PRPF6: variants seen among roughly 807,000 people sequenced by gnomAD.
PRPF6 encodes pre-mRNA-processing factor 6.
Under a neutral mutation model 118.3 loss-of-function variants are expected in PRPF6, and 42 were observed. The observed-to-expected ratio is 0.35, with a 90% CI of 0.28 to 0.46. PRPF6 has a LOEUF of 0.46. Ranked by LOEUF, PRPF6 falls within the 20% of genes least tolerant of loss-of-function variation. PRPF6 has a pLI of 1.00. For missense variants in PRPF6, 662 were observed against 1,255.7 expected (o/e 0.53, Z 7.15); for synonymous variants, 481 against 485.1 (o/e 0.99, Z 0.11).
rs541429002 is a variant in PRPF6, at chr20:64,027,404, C to T, written c.2206-199C>T. 2.0e-5 allele frequency among the ~76,000 whole-genome samples: 3 copies of T among 152,266 alleles called. No homozygotes were observed. Among genetic ancestry groups the T allele is most frequent in the Admixed American group, 6.5e-5 (1 of 15,294 alleles). The stretch of plus-strand genomic sequence containing the variant: ...GGCACACCTGCAGTAAAGGCTGGTA[C>T]GTACAGACCTGTGTGCACAGGTCCA... On this transcript the variant is annotated intron_variant, in intron 16 of 20. Transcript: ENST00000266079. This position sits in a 1 kb window ranked among gnomAD's most constrained non-coding sequence, Gnocchi z 6.5.
intron 8 of PRPF6, among the ~76,000 whole-genome samples, chr20:64,000,338 A>T (rs922330564): frequency 1.3e-5 from 2 of 151,566 alleles, no homozygotes; most frequent in Non-Finnish European, 2.9e-5. Flanking sequence ...AAAATATGAA[A>T]GTTAGCCAGG....
chr20:64,026,901 AAC>A lies in PRPF6; in HGVS notation c.2029-79_2029-78del. The A allele has an allele frequency of 7.1e-7, 1 of 1,412,048 alleles. No individual in the cohort carries two copies. Among genetic ancestry groups the A allele is most frequent in the Non-Finnish European group, 1.0e-6 (1 of 997,986 alleles). 87.5% of individuals were successfully genotyped at this position (1,412,048 alleles called of 1,614,324 possible). A position where few individuals can be genotyped will look rare whatever the true frequency, so the allele number is the denominator to read the frequency against. On this transcript the variant is annotated intron_variant, in intron 15 of 20. Transcript: ENST00000266079. This position sits in a 1 kb window ranked among gnomAD's most constrained non-coding sequence, Gnocchi z 4.4. ...CAAAAGTACACACAGTACTGCAGGT[AAC>A]AGTGTTGAGGATGAGTGTACCATGA...
At chr20:64,025,836 C>G (rs2059287215) in intron 14 of PRPF6, 103 bp from the exon 15 acceptor site, 1 of 1,599,058 alleles carries the variant, frequency 6.3e-7, no homozygotes, top group South Asian at 1.1e-5. Flanking sequence ...TGTAGCAGAG[C>G]AAGGCCTGGC....
At chr20:63,982,832 G>T (rs2059077389) in intron 1 of PRPF6, among the ~76,000 whole-genome samples, 1 of 152,208 alleles carries the variant, frequency 6.6e-6, no homozygotes, top group African/African-American at 2.4e-5. Context: ...AGGGTGGAGA[G>T]AGATTGCCTT....
intron 20 of PRPF6, among the ~76,000 whole-genome samples, 192 bp from the exon 21 acceptor site, chr20:64,032,649 C>G (rs1257033589): frequency 6.6e-6 from 1 of 152,244 alleles, no homozygotes; most frequent in African/African-American, 2.4e-5. Context: ...CCATGCTCCT[C>G]AGGAGGTGGG....
At chr20:63,988,408 A>T (rs1162773689) in intron 3 of PRPF6, among the ~76,000 whole-genome samples, 3 of 150,232 alleles carry the variant, frequency 2.0e-5, no homozygotes, top group African/African-American at 7.4e-5. Context: ...GAGGCAGGAG[A>T]ATCGCTTGAA....
At chr20:64,024,972 G>A (rs73153149) in intron 14 of PRPF6, among the ~76,000 whole-genome samples, 16,928 of 152,126 alleles carry the variant, frequency 0.11, 1,038 homozygotes, top group South Asian at 0.24. Context: ...GGCTGAGGGC[G>A]CCCTTATGTG....
chr20:64,024,793 T>A, intron 14 of PRPF6, 100 bp downstream of exon 14: 1 of 1,504,312 alleles, frequency 6.6e-7, no homozygotes, highest in Non-Finnish European at 9.0e-7. Context: ...ATGTGGCACG[T>A]GCTGTTGTTG....
intron 12 of PRPF6, among the ~76,000 whole-genome samples, chr20:64,017,282 T>TGGCCTCCCAAAGTGCTG (rs2059242804): frequency 9.5e-6 from 1 of 105,044 alleles, no homozygotes; most frequent in African/African-American, 4.3e-5. Context: ...CCGCCATGCC[T>TGGCCTCCCAAAGTGCTG]GGCCTCCCAA....
In PRPF6 at chr20:64,010,366, C is replaced by G. The variant is rs1429637811; in HGVS notation, c.1305+48C>G. 5 of 1,448,868 alleles carry G rather than the reference C, an allele frequency of 3.5e-6. No individual in the cohort carries two copies. In the East Asian group the frequency reaches 1.1e-4, roughly 33 times the overall value. 89.8% of individuals were successfully genotyped at this position (1,448,868 alleles called of 1,614,324 possible). A position where few individuals can be genotyped will look rare whatever the true frequency, so the allele number is the denominator to read the frequency against. ...CACCAGAGCCCAAAGTGGCCAAGGC[C>G]TGAGCCCAGGTTCAGTGTCTGGAAG... On this transcript the variant is annotated intron_variant, in intron 10 of 20. Coordinates refer to ENST00000266079, the MANE Select transcript of PRPF6 (RefSeq NM_012469.4).
intron 12 of PRPF6, among the ~76,000 whole-genome samples, chr20:64,020,545 A>G (rs898514119): frequency 3.9e-5 from 6 of 152,312 alleles, no homozygotes; most frequent in Admixed American, 1.3e-4. Flanking sequence ...CAGTCAGACG[A>G]ACCCCCAGAG....
chr20:64,021,805 T>G (rs58126749), intron 12 of PRPF6, among the ~76,000 whole-genome samples: 20,435 of 145,678 alleles, frequency 0.14, 1,669 homozygotes, highest in South Asian at 0.23. Flanking sequence ...TGCGTGCACG[T>G]ATGCATATGC....
At position 64,011,399 on chromosome 20, in the gene PRPF6, G is replaced by C; in HGVS notation, c.1420G>C (p.Glu474Gln). ...RHIWITAAKL[E>Q]EANGNTQMVE... ...TATCTGGATCACGGCTGCTAAGCTGGAGGAAGCCAATGGGAACACGCAGAT... is the reference window on the plus strand; with the variant it reads ...TATCTGGATCACGGCTGCTAAGCTGCAGGAAGCCAATGGGAACACGCAGAT... The change falls in exon 11 of 21, where the codon GAG becomes CAG. Residue 474 changes from glutamate to glutamine, a missense_variant. This residue lies in a region of PRPF6 where 189 missense variants were observed against 323.5 expected (regional missense o/e 0.58). Transcript: ENST00000266079. The surrounding 1 kb of genome is among the most constrained non-coding windows in gnomAD (Gnocchi z 6.7). The C allele has an allele frequency of 6.2e-7, 1 of 1,614,236 alleles. No individual in the cohort carries two copies. Among genetic ancestry groups the C allele is most frequent in the Non-Finnish European group, 8.5e-7 (1 of 1,180,046 alleles).
In PRPF6 at chr20:63,999,153, A is replaced by T; in HGVS notation, c.866+14A>T. ...AGGAGACATCAAGTGAGTGCTTTGC[A>T]GAATCGCTGGGCTGGGATGGAGACT... On this transcript the variant is annotated intron_variant, in intron 7 of 20. Coordinates refer to ENST00000266079, the MANE Select transcript of PRPF6 (RefSeq NM_012469.4). 1 of 1,610,234 alleles carries T rather than the reference A, an allele frequency of 6.2e-7. No homozygotes were observed. The highest frequency in any genetic ancestry group is 8.5e-7 in the Non-Finnish European group (1 of 1,176,866).
chr20:63,989,647 C>G (rs144842099), intron 3 of PRPF6, among the ~76,000 whole-genome samples: 1,939 of 152,126 alleles, frequency 0.013, 37 homozygotes, highest in African/African-American at 0.044. Flanking sequence ...TCCCAAGTAG[C>G]TGGGATTACA....
rs778388981 is a variant in PRPF6 at position 63,994,999 on chromosome 20, A to G, written c.522A>G (p.Pro174=). ...CCAGAAATAAACGTCAGCGGAACCCACGCTATGAGAAGCTGACCCCTGTTC... is the reference window on the plus strand; with the variant it reads ...CCAGAAATAAACGTCAGCGGAACCCGCGCTATGAGAAGCTGACCCCTGTTC... ...GDARNKRQRN[P]RYEKLTPVPD... The change falls in exon 5 of 21, where the codon CCA becomes CCG. Residue 174 remains proline (P), a synonymous_variant. Transcript: ENST00000266079. 2 of 1,614,204 alleles carry G rather than the reference A, an allele frequency of 1.2e-6. No individual in the cohort carries two copies. Among genetic ancestry groups the G allele is most frequent in the Admixed American group, 1.7e-5 (1 of 60,016 alleles).
Position 64,011,318 on chromosome 20 carries a change from G to A in PRPF6, c.1339G>A (p.Glu447Lys). 1 of 1,614,212 alleles carries A rather than the reference G, an allele frequency of 6.2e-7. No homozygotes were observed. The highest frequency in any genetic ancestry group is 8.5e-7 in the Non-Finnish European group (1 of 1,180,036). Residue 447 changes from glutamate to lysine, a missense_variant, in exon 11 of 21, where the codon GAA becomes AAA. Glu to Lys is a moderately conservative substitution (Grantham distance 56). Coordinates refer to ENST00000266079, the MANE Select transcript of PRPF6 (RefSeq NM_012469.4). This position sits in a 1 kb window ranked among gnomAD's most constrained non-coding sequence, Gnocchi z 6.7. ...TGCTCTGGCAAGGCTGGAGACCTAT[G>A]AAAATGCCCGCAAGGTCTTGAACAA... ...WLALARLETY[E>K]NARKVLNKAR...
Position 64,027,440 on chromosome 20 carries a change from G to T in PRPF6, c.2206-163G>T, listed in dbSNP as rs1186670070. 6.6e-6 allele frequency among the ~76,000 whole-genome samples: 1 copy of T among 152,166 alleles called. No individual in the cohort carries two copies. The highest frequency in any genetic ancestry group is 1.5e-5 in the Non-Finnish European group (1 of 68,036). ...GTGTGCACAGGTCCACAGCACCACC[G>T]CACACCTGTACACCCACAAATGCAG... On this transcript the variant is annotated intron_variant, in intron 16 of 20. Transcript: ENST00000266079. The surrounding 1 kb of genome is among the most constrained non-coding windows in gnomAD (Gnocchi z 6.5).
intron 6 of PRPF6, 113 bp downstream of exon 6, chr20:63,995,595 T>A: frequency 1.8e-6 from 2 of 1,118,172 alleles, no homozygotes; most frequent in Non-Finnish European, 2.6e-6. Flanking sequence ...CTTCTCCTCC[T>A]CCTCCTTCTT....
Sources: allele counts gnomAD v4.1 joint callset (sites outside exome capture counted in the v4.1 genomes callset), GRCh38; gene constraint gnomAD v4.1.1; regional missense constraint gnomAD v4.1.1; non-coding constraint Gnocchi (gnomAD v3.1); transcripts MANE v1.5; gene names NCBI Gene and HGNC (gene_info 2026-07-23, HGNC 2026-07-21).